DPP10: variants seen among roughly 807,000 people sequenced by gnomAD.
DPP10 encodes the protein inactive dipeptidyl peptidase 10.
DPP10 carries 33 observed loss-of-function variants against 120.9 expected under a neutral mutation model. The ratio of observed to expected loss-of-function variants is 0.27; its 90% confidence interval spans 0.21 to 0.37. The LOEUF (loss-of-function observed/expected upper bound fraction) is 0.37, where lower values mean the gene tolerates loss of function less well. Ranked by LOEUF, DPP10 falls within the 10% of genes least tolerant of loss-of-function variation. The pLI is 1.00. For synonymous variants in DPP10, 337 were observed against 326.1 expected (o/e 1.03, Z -0.36); for missense variants, 816 against 942.8 (o/e 0.87, Z 1.76).
intron 2 of DPP10, among the ~76,000 whole-genome samples, chr2:115,324,651 A>G (rs2062248885): frequency 4.6e-5 from 7 of 152,166 alleles, no homozygotes; most frequent in Admixed American, 3.9e-4. Context: ...TATATCAACA[A>G]TAAGCCTGTT....
At chr2:115,679,974 A>G (rs928463903) in intron 5 of DPP10, among the ~76,000 whole-genome samples, 2 of 152,060 alleles carry the variant, frequency 1.3e-5, no homozygotes, top group East Asian at 3.9e-4. Context: ...TATATTTTCA[A>G]AAATCCTAAA....
chr2:115,600,011 C>T (rs1183311929), intron 5 of DPP10, among the ~76,000 whole-genome samples: 1 of 152,046 alleles, frequency 6.6e-6, no homozygotes, highest in East Asian at 1.9e-4. Flanking sequence ...CTGTCTTTGA[C>T]TCTTTGGGAG....
intron 1 of DPP10, among the ~76,000 whole-genome samples, chr2:114,466,712 C>T (rs1163022869): frequency 1.3e-5 from 2 of 152,112 alleles, no homozygotes; most frequent in African/African-American, 4.8e-5. Flanking sequence ...TATTATCATC[C>T]ATAATATAGA....
intron 1 of DPP10, among the ~76,000 whole-genome samples, chr2:114,532,220 C>T (rs1033947822): frequency 1.5e-4 from 21 of 141,194 alleles, no homozygotes; most frequent in Non-Finnish European, 2.7e-4. Context: ...CCTTGGCCTC[C>T]CATAACTGCA....
chr2:114,910,908 A>T (rs1298434768), intron 1 of DPP10, among the ~76,000 whole-genome samples: 1 of 152,132 alleles, frequency 6.6e-6, no homozygotes, highest in Non-Finnish European at 1.5e-5. Context: ...CTATGCAGGG[A>T]AGTAAGACTT....
At chr2:114,942,298 C>CATATATATATATATGT (rs1696973302) in intron 1 of DPP10, among the ~76,000 whole-genome samples, 1 of 104,702 alleles carries the variant, frequency 9.6e-6, no homozygotes, top group Admixed American at 1.1e-4. Flanking sequence ...TATATATATA[C>CATATATATATATATGT]ATATATATAT....
At chr2:115,381,380 T>C (rs574580953) in intron 3 of DPP10, among the ~76,000 whole-genome samples, 1 of 152,352 alleles carries the variant, frequency 6.6e-6, no homozygotes, top group East Asian at 1.9e-4. Flanking sequence ...CACGTAGTTC[T>C]CCAGCCTTGG....
chr2:115,225,782 T>G (rs1473718299), intron 1 of DPP10, among the ~76,000 whole-genome samples: 1 of 152,092 alleles, frequency 6.6e-6, no homozygotes, highest in Admixed American at 6.6e-5. Context: ...TATTGATTTT[T>G]GTGGGAAAAA....
chr2:115,835,168 G>A (rs1226369605), intron 21 of DPP10, among the ~76,000 whole-genome samples: 1 of 151,550 alleles, frequency 6.6e-6, no homozygotes, highest in Admixed American at 6.6e-5. Flanking sequence ...ACAAACAGAA[G>A]CTTAATAACA....
chr2:115,042,128 G>A (rs770992945), intron 1 of DPP10, among the ~76,000 whole-genome samples: 5 of 149,444 alleles, frequency 3.3e-5, no homozygotes, highest in Admixed American at 2.0e-4. Flanking sequence ...AGTGATTCTC[G>A]GATTCCCAAT....
At chr2:115,840,619 C>T in intron 24 of DPP10, 131 bp from the exon 25 acceptor site, 1 of 922,954 alleles carries the variant, frequency 1.1e-6, no homozygotes, top group Admixed American at 2.5e-5. Context: ...CCACCGTGCC[C>T]AGCCAGATAT....
chr2:114,636,494 A>G (rs1250517910), intron 1 of DPP10, among the ~76,000 whole-genome samples: 1 of 152,020 alleles, frequency 6.6e-6, no homozygotes, highest in Non-Finnish European at 1.5e-5. Context: ...CAATGCCAAT[A>G]CAGTGAAAAA....
intron 4 of DPP10, among the ~76,000 whole-genome samples, chr2:115,519,344 A>G (rs139129479): frequency 6.6e-6 from 1 of 152,272 alleles, no homozygotes; most frequent in East Asian, 1.9e-4. Flanking sequence ...AAAATTACGT[A>G]GTTGTATCAT....
intron 2 of DPP10, among the ~76,000 whole-genome samples, chr2:115,316,167 AAT>A (rs1307651187): frequency 2.0e-5 from 3 of 152,148 alleles, no homozygotes; most frequent in Admixed American, 1.3e-4. Context: ...TCACATCACT[AAT>A]ATTGCATAGA....
At chr2:114,683,306 T>C (rs1324388960) in intron 1 of DPP10, among the ~76,000 whole-genome samples, 1 of 151,970 alleles carries the variant, frequency 6.6e-6, no homozygotes, top group African/African-American at 2.4e-5. Flanking sequence ...ATGTACCAGA[T>C]GCTGTGCTAA....
intron 3 of DPP10, among the ~76,000 whole-genome samples, chr2:115,350,245 T>TTA (rs368452828): frequency 6.6e-6 from 1 of 152,046 alleles, no homozygotes; most frequent in Non-Finnish European, 1.5e-5. Flanking sequence ...CAATATGGAA[T>TTA]TATATATATA....
chr2:114,736,044 G>C (rs768530240), intron 1 of DPP10, among the ~76,000 whole-genome samples: 67 of 151,986 alleles, frequency 4.4e-4, no homozygotes, highest in Non-Finnish European at 3.7e-4. Context: ...TATACAAGTA[G>C]ATCTAGAGAA....
chr2:114,561,603 G>GA (rs968834793), intron 1 of DPP10, among the ~76,000 whole-genome samples: 5 of 151,648 alleles, frequency 3.3e-5, no homozygotes, highest in South Asian at 4.2e-4. Flanking sequence ...TACTTTTAGA[G>GA]AAAAAATCCA....
At chr2:114,664,641 A>G (rs1697759242) in intron 1 of DPP10, among the ~76,000 whole-genome samples, 2 of 151,836 alleles carry the variant, frequency 1.3e-5, no homozygotes, top group Admixed American at 6.6e-5. Flanking sequence ...AAAAAAAAAA[A>G]AAAAAAAGAA....
Sources: allele counts gnomAD v4.1 joint callset (sites outside exome capture counted in the v4.1 genomes callset), GRCh38; gene constraint gnomAD v4.1.1; transcripts MANE v1.5; gene names NCBI Gene and HGNC (gene_info 2026-07-23, HGNC 2026-07-21).